FIG4: variants seen among roughly 807,000 people sequenced by gnomAD.
The protein encoded by FIG4 is polyphosphoinositide phosphatase.
Under a neutral mutation model 118.6 loss-of-function variants are expected in FIG4, and 112 were observed. The ratio of observed to expected loss-of-function variants is 0.94; its 90% CI spans 0.81 to 1.11. FIG4 has a LOEUF of 1.11. FIG4 is among the 50% of genes least tolerant of loss of function. The pLI is 0.00. For missense variants in FIG4, 969 were observed against 1,111.7 expected (o/e 0.87, Z 1.83); for synonymous variants, 369 against 381.2 (o/e 0.97, Z 0.37).
intron 22 of FIG4, among the ~76,000 whole-genome samples, chr6:109,803,955 C>T (rs943827632): frequency 2.0e-5 from 3 of 152,086 alleles, no homozygotes; most frequent in African/African-American, 7.2e-5. Flanking sequence ...ATTTCTTTAA[C>T]TTTCTCTAAA....
intron 14 of FIG4, 92 bp downstream of exon 14, chr6:109,765,253 T>C (rs1777248205): frequency 3.9e-6 from 4 of 1,014,952 alleles, no homozygotes; most frequent in Non-Finnish European, 4.6e-6. Flanking sequence ...GTTTCTACTT[T>C]TAGCTTCTCA....
At chr6:109,820,208 G>A (rs1002945184) in intron 22 of FIG4, among the ~76,000 whole-genome samples, 4 of 152,180 alleles carry the variant, frequency 2.6e-5, no homozygotes, top group Admixed American at 6.5e-5. Flanking sequence ...TCAATCTAGC[G>A]ACTGTCAAAT....
At chr6:109,747,545 T>C (rs932018973) in intron 10 of FIG4, among the ~76,000 whole-genome samples, 1 of 152,116 alleles carries the variant, frequency 6.6e-6, no homozygotes, top group Non-Finnish European at 1.5e-5. Flanking sequence ...AGGGCACTGA[T>C]TGAAGTAGAC....
At chr6:109,695,579 T>TACACACAC (rs57747347) in intron 1 of FIG4, among the ~76,000 whole-genome samples, 5 of 148,820 alleles carry the variant, frequency 3.4e-5, no homozygotes, top group East Asian at 2.0e-4. Flanking sequence ...ATGCAGTGAA[T>TACACACAC]ACACACACAC....
At chr6:109,751,811 CTTTTTTTTTT>C (rs1776709894) in intron 10 of FIG4, among the ~76,000 whole-genome samples, 2 of 120,844 alleles carry the variant, frequency 1.7e-5, no homozygotes, top group African/African-American at 3.1e-5. Flanking sequence ...CTCTTTTTTT[CTTTTTTTTTT>C]AAGTATTTTT....
At chr6:109,714,326 C>T (rs1242844650) in intron 1 of FIG4, among the ~76,000 whole-genome samples, 1 of 152,184 alleles carries the variant, frequency 6.6e-6, no homozygotes, top group East Asian at 1.9e-4. Context: ...TGTGTCTTCC[C>T]TCCACCACTC....
intron 4 of FIG4, among the ~76,000 whole-genome samples, chr6:109,728,056 A>G (rs1775874831): frequency 6.6e-6 from 1 of 152,206 alleles, no homozygotes; most frequent in Admixed American, 6.5e-5. Context: ...ACTACATACT[A>G]GTGATCTTGA....
At chr6:109,816,714 T>A (rs1053013892) in intron 22 of FIG4, among the ~76,000 whole-genome samples, 1 of 152,190 alleles carries the variant, frequency 6.6e-6, no homozygotes, top group Non-Finnish European at 1.5e-5. Flanking sequence ...ACGATAATTC[T>A]GTAAATCTAA....
At chr6:109,730,658 G>A (rs1050054068) in intron 4 of FIG4, among the ~76,000 whole-genome samples, 1 of 152,140 alleles carries the variant, frequency 6.6e-6, no homozygotes, top group Non-Finnish European at 1.5e-5. Context: ...ATATGATAGA[G>A]TGAGCATTAC....
chr6:109,733,983 G>T (rs1039404823), intron 5 of FIG4, among the ~76,000 whole-genome samples: 10 of 151,676 alleles, frequency 6.6e-5, no homozygotes, highest in East Asian at 1.9e-4. Flanking sequence ...CTAGAAAAAA[G>T]GAATTGTTTT....
chr6:109,761,080 A>G (rs1246076751), intron 11 of FIG4, among the ~76,000 whole-genome samples: 1 of 152,178 alleles, frequency 6.6e-6, no homozygotes, highest in African/African-American at 2.4e-5. Context: ...AGATGTTACT[A>G]TATCGTTTTG....
Position 109,693,031 on chromosome 6 carries a change from A to G in FIG4, c.66+1530A>G, listed in dbSNP as rs192771082. 2.7e-4 allele frequency among the ~76,000 whole-genome samples: 41 copies of G among 152,322 alleles called. No homozygotes were observed. The East Asian group carries it at 7.3e-3, about 27-fold the overall frequency. On this transcript the variant is annotated intron_variant, in intron 1 of 22. Coordinates refer to ENST00000230124, the MANE Select transcript of FIG4 (RefSeq NM_014845.6). ...CCCATTAAAAAGCTGATCACTCATGAGGACTGCGTGAGATATTAGTGTTCA... is the reference window on the plus strand; with the variant it reads ...CCCATTAAAAAGCTGATCACTCATGGGGACTGCGTGAGATATTAGTGTTCA...
chr6:109,734,409 GTATGCATATTTATA>G (rs1027740163), intron 5 of FIG4, among the ~76,000 whole-genome samples: 7 of 150,020 alleles, frequency 4.7e-5, no homozygotes, highest in East Asian at 2.0e-4. Context: ...AACTATGTAT[GTATGCATATTTATA>G]TATGCATATT....
At chr6:109,788,261 C>T (rs1778040682) in intron 18 of FIG4, among the ~76,000 whole-genome samples, 2 of 152,198 alleles carry the variant, frequency 1.3e-5, no homozygotes, top group African/African-American at 4.8e-5. Flanking sequence ...GCCAACAGCA[C>T]TATAGCTCAT....
chr6:109,702,628 A>G (rs6912438), intron 1 of FIG4, among the ~76,000 whole-genome samples: 3,174 of 151,856 alleles, frequency 0.021, 98 homozygotes, highest in African/African-American at 0.074. Context: ...TGCCTGATCT[A>G]TGGAAATCCT....
At chr6:109,792,778 T>C in intron 21 of FIG4, 114 bp downstream of exon 21, 2 of 652,140 alleles carry the variant, frequency 3.1e-6, no homozygotes, top group Non-Finnish European at 5.3e-6. Flanking sequence ...CTTGCTCTGT[T>C]GCCCAGGCTG....
chr6:109,735,246 A>C lies in FIG4; in HGVS notation c.594A>C (p.Gln198His), dbSNP rs1206297225. 5.0e-6 allele frequency: 8 copies of C among 1,613,656 alleles called. No individual in the cohort carries two copies. The highest frequency in any genetic ancestry group is 3.3e-5 in the Admixed American group (2 of 59,986). The change falls in exon 6 of 23, where the codon CAA (glutamine) becomes CAC (histidine). Residue 198 changes from glutamine to histidine, a missense_variant. Physicochemically the swap from Gln to His is conservative, Grantham distance 24. Around this residue, in one of 3 missense-constraint regions of FIG4, gnomAD observed 393 missense variants for 409.4 expected, o/e 0.96. Transcript: ENST00000230124. ...AGTCAGAAATGACCCAGAATCGCCA[A>C]GAGAGCTTTGACATCTTTGAAGATG... ...MLKSEMTQNRQESFDIFEDEG... is the reference protein window; with the variant it reads ...MLKSEMTQNRHESFDIFEDEG...
intron 9 of FIG4, 49 bp from the exon 10 acceptor site, chr6:109,743,626 T>C (rs954314265): frequency 1.4e-6 from 2 of 1,405,456 alleles, no homozygotes; most frequent in Non-Finnish European, 2.0e-6. Context: ...TCTTTTATTT[T>C]GCTTTGCAAT....
intron 1 of FIG4, among the ~76,000 whole-genome samples, chr6:109,699,897 T>G (rs540361351): frequency 7.8e-4 from 119 of 152,324 alleles, no homozygotes; most frequent in Non-Finnish European, 1.1e-3. Context: ...TTTCACAGTT[T>G]GGAGGCTGGT....
Sources: allele counts gnomAD v4.1 joint callset (sites outside exome capture counted in the v4.1 genomes callset), GRCh38; gene constraint gnomAD v4.1.1; regional missense constraint gnomAD v4.1.1; transcripts MANE v1.5; gene names NCBI Gene and HGNC (gene_info 2026-07-23, HGNC 2026-07-21).